PPP2R2B: variants seen among roughly 807,000 people sequenced by gnomAD.
PPP2R2B encodes the protein protein phosphatase 2 regulatory subunit Bbeta.
In PPP2R2B, 5 loss-of-function variants were observed where a neutral mutation model predicts 46.0. The ratio of observed to expected loss-of-function variants is 0.11; its 90% confidence interval spans 0.06 to 0.23. The LOEUF (loss-of-function observed/expected upper bound fraction) is 0.23. Among genes scored for constraint, PPP2R2B ranks in the 10% least tolerant of loss-of-function variants. The probability of loss-of-function intolerance (pLI) is 1.00; values close to 1 mark genes in which losing one functional copy is unlikely to be tolerated. For missense variants in PPP2R2B, 367 were observed against 575.0 expected (o/e 0.64, Z 3.70); for synonymous variants, 215 against 206.7 (o/e 1.04, Z -0.34).
upstream of PPP2R2B, chr5:147,056,094 G>C (rs1012858275): frequency 2.8e-6 from 3 of 1,062,956 alleles, no homozygotes; most frequent in East Asian, 2.0e-4. Context: ...ACCTTTTCCC[G>C]TGTGGTGAGT....
intron 5 of PPP2R2B, among the ~76,000 whole-genome samples, chr5:146,661,825 C>T (rs1177912808): frequency 6.6e-6 from 1 of 152,142 alleles, no homozygotes; most frequent in Non-Finnish European, 1.5e-5. Context: ...AAGTGTGTTT[C>T]CCTGTTCACT....
At chr5:146,917,791 A>C (rs190923905) in intron 1 of PPP2R2B, 26 of 152,318 alleles carry the variant, frequency 1.7e-4, no homozygotes, top group African/African-American at 6.3e-4. Flanking sequence ...CAGTCTAATG[A>C]ACTTAGAAAT....
intron 2 of PPP2R2B, among the ~76,000 whole-genome samples, chr5:147,075,532 T>C (rs1757737708): frequency 1.3e-5 from 2 of 152,182 alleles, no homozygotes; most frequent in Non-Finnish European, 2.9e-5. Context: ...CTCATATATA[T>C]ACATACAACT....
chr5:146,616,445 A>T (rs912294668), intron 7 of PPP2R2B, among the ~76,000 whole-genome samples: 4 of 152,222 alleles, frequency 2.6e-5, no homozygotes, highest in Non-Finnish European at 4.4e-5. Context: ...GAAAACCCAT[A>T]GGATGAGGGA....
At chr5:146,721,157 T>G (rs1471909682) in intron 2 of PPP2R2B, among the ~76,000 whole-genome samples, 7 of 152,200 alleles carry the variant, frequency 4.6e-5, no homozygotes, top group Non-Finnish European at 2.9e-5. Context: ...GACATTTACC[T>G]CCAAACTGGA....
chr5:146,777,979 G>T (rs774147193), intron 2 of PPP2R2B, among the ~76,000 whole-genome samples: 3 of 152,112 alleles, frequency 2.0e-5, no homozygotes, highest in Non-Finnish European at 4.4e-5. Flanking sequence ...ATTGTAGAAG[G>T]AATTTATACA....
Position 146,700,302 on chromosome 5 carries a change from C to T in PPP2R2B, c.168+743G>A, listed in dbSNP as rs370414288. ...ACTGGCCTGCTGGAAGCTCGAAGACCATGCCAGGGGAGGCCAAGGAAATCA... is the reference window on the plus strand; with the variant it reads ...ACTGGCCTGCTGGAAGCTCGAAGACTATGCCAGGGGAGGCCAAGGAAATCA... On this transcript the variant is annotated intron_variant, in intron 3 of 9. Coordinates refer to ENST00000394411, the MANE Select transcript of PPP2R2B (RefSeq NM_181675.4). Among the ~76,000 whole-genome samples the T allele has an allele frequency of 1.8e-4, 28 of 152,232 alleles. No individual in the cohort carries two copies. The East Asian group carries it at 5.2e-3, about 28-fold the overall frequency.
intron 2 of PPP2R2B, among the ~76,000 whole-genome samples, chr5:146,770,982 A>G (rs1039160271): frequency 5.3e-5 from 8 of 152,226 alleles, no homozygotes; most frequent in Non-Finnish European, 1.0e-4. Context: ...CCTATGCATG[A>G]TGGGCCATCC....
At chr5:146,756,003 G>C (rs1753809215) in intron 2 of PPP2R2B, among the ~76,000 whole-genome samples, 1 of 152,122 alleles carries the variant, frequency 6.6e-6, no homozygotes, top group African/African-American at 2.4e-5. Context: ...AAAGCAGCCT[G>C]CATACTTACA....
At chr5:146,950,224 T>C (rs920638443) in intron 1 of PPP2R2B, among the ~76,000 whole-genome samples, 3 of 152,056 alleles carry the variant, frequency 2.0e-5, no homozygotes, top group African/African-American at 7.2e-5. Flanking sequence ...AAATATCTCA[T>C]GTACCTCATA....
intron 1 of PPP2R2B, among the ~76,000 whole-genome samples, chr5:146,926,720 A>G (rs1241605313): frequency 6.6e-6 from 1 of 152,082 alleles, no homozygotes; most frequent in African/African-American, 2.4e-5. Context: ...GCTCTTTTCA[A>G]GCTCCCCTGA....
chr5:147,053,538 CA>C (rs1756931572), intron 1 of PPP2R2B, among the ~76,000 whole-genome samples: 1 of 52,694 alleles, frequency 1.9e-5, no homozygotes, highest in Non-Finnish European at 4.4e-5. Flanking sequence ...CGATTGCCAA[CA>C]ATATAAACAC....
intron 1 of PPP2R2B, among the ~76,000 whole-genome samples, chr5:146,948,039 C>T (rs1451651506): frequency 2.6e-5 from 4 of 151,720 alleles, no homozygotes; most frequent in East Asian, 4.0e-4. Context: ...CATATTTTTC[C>T]CCTACTCCTC....
intron 2 of PPP2R2B, among the ~76,000 whole-genome samples, chr5:146,719,400 T>C (rs574514475): frequency 6.6e-6 from 1 of 152,378 alleles, no homozygotes; most frequent in African/African-American, 2.4e-5. Context: ...ATACCATTCA[T>C]CTCTGTCATT....
At chr5:146,663,551 A>G (rs1776801170) in intron 5 of PPP2R2B, among the ~76,000 whole-genome samples, 1 of 152,236 alleles carries the variant, frequency 6.6e-6, no homozygotes. Flanking sequence ...TGAATATTGC[A>G]ATAAAGTTGG....
At chr5:146,978,451 A>G (rs1286625707) in intron 1 of PPP2R2B, among the ~76,000 whole-genome samples, 1 of 152,138 alleles carries the variant, frequency 6.6e-6, no homozygotes, top group Non-Finnish European at 1.5e-5. Flanking sequence ...GCCCATGCTT[A>G]TATCCTGAAT....
chr5:146,914,649 G>A (rs1224746760), intron 1 of PPP2R2B, among the ~76,000 whole-genome samples: 1 of 152,194 alleles, frequency 6.6e-6, no homozygotes, highest in Non-Finnish European at 1.5e-5. Flanking sequence ...TGGCCAGGTT[G>A]GCCCTAATTT....
intron 2 of PPP2R2B, among the ~76,000 whole-genome samples, chr5:146,755,398 C>A (rs1223041024): frequency 6.6e-6 from 1 of 152,212 alleles, no homozygotes; most frequent in Non-Finnish European, 1.5e-5. Flanking sequence ...TAATAATAAA[C>A]AAGGTTATCA....
intron 5 of PPP2R2B, among the ~76,000 whole-genome samples, chr5:146,661,469 AT>A (rs1169607839): frequency 6.6e-6 from 1 of 152,102 alleles, no homozygotes; most frequent in Non-Finnish European, 1.5e-5. Context: ...AATATATAAA[AT>A]ATCTATGTTT....
Sources: allele counts gnomAD v4.1 joint callset (sites outside exome capture counted in the v4.1 genomes callset), GRCh38; gene constraint gnomAD v4.1.1; transcripts MANE v1.5; gene names NCBI Gene and HGNC (gene_info 2026-07-23, HGNC 2026-07-21).